Variants in TNRC6A observed in about 807,000 individuals in gnomAD.
TNRC6A encodes trinucleotide repeat containing adaptor 6A.
TNRC6A carries 44 observed loss-of-function variants against 221.2 expected under a neutral mutation model. The observed-to-expected ratio is 0.20, with a 90% CI of 0.16 to 0.26. The LOEUF (loss-of-function observed/expected upper bound fraction) is 0.26. Among genes scored for constraint, TNRC6A ranks in the 10% least tolerant of loss-of-function variants. TNRC6A has a pLI of 1.00. For missense variants in TNRC6A, 2,199 were observed against 2,404.4 expected, an observed-to-expected ratio of 0.91 and a Z score of 1.79; for synonymous variants, 847 against 838.5, an observed-to-expected ratio of 1.01 and a Z score of -0.18.
At chr16:24,612,966 G>A (rs1161314967) in intron 1 of TNRC6A, among the ~76,000 whole-genome samples, 1 of 151,792 alleles carries the variant, frequency 6.6e-6, no homozygotes, top group East Asian at 1.9e-4. Flanking sequence ...ATAACTGAAG[G>A]CCGGGAGTGG....
At chr16:24,696,204 T>C (rs1025643864) in intron 2 of TNRC6A, among the ~76,000 whole-genome samples, 11 of 151,660 alleles carry the variant, frequency 7.3e-5, no homozygotes, top group Non-Finnish European at 1.3e-4. Flanking sequence ...AAAAATTAGC[T>C]GGGCGTGGTG....
At chr16:24,776,299 T>G in intron 4 of TNRC6A, 2 of 985,046 alleles carry the variant, frequency 2.0e-6, no homozygotes, top group Non-Finnish European at 2.4e-6. Flanking sequence ...GCATCCAGAT[T>G]ATTTATCTCA....
At chr16:24,752,369 G>C (rs923515054) in intron 3 of TNRC6A, among the ~76,000 whole-genome samples, 4 of 152,188 alleles carry the variant, frequency 2.6e-5, no homozygotes, top group Non-Finnish European at 4.4e-5. Context: ...CCTGAGCCTA[G>C]GGGTGTCATC....
chr16:24,712,904 C>T (rs925726459), intron 2 of TNRC6A, among the ~76,000 whole-genome samples: 1 of 119,240 alleles, frequency 8.4e-6, no homozygotes, highest in African/African-American at 3.6e-5. Context: ...TAGTTATGTG[C>T]CACTGTGTGT....
chr16:24,649,767 C>T (rs989295666), intron 2 of TNRC6A, among the ~76,000 whole-genome samples: 4 of 151,330 alleles, frequency 2.6e-5, no homozygotes, highest in Non-Finnish European at 5.9e-5. Flanking sequence ...TATCCTTTCA[C>T]CAACATCTCC....
intron 4 of TNRC6A, among the ~76,000 whole-genome samples, chr16:24,766,829 A>C (rs919541425): frequency 5.3e-5 from 8 of 151,922 alleles, no homozygotes; most frequent in African/African-American, 1.9e-4. Context: ...GGCGCCTGCC[A>C]CCACACCCAG....
In TNRC6A at chr16:24,789,398, A is replaced by G. The variant is rs2058046301; in HGVS notation, c.756A>G (p.Glu252=). Residue 252 remains glutamate, a synonymous_variant, in exon 6 of 25, where the codon GAA becomes GAG. Transcript: ENST00000395799. ...APGSDPELAS[E]CMDADSASSS... is the part of the protein sequence containing the mutation. Reference sequence around the variant, plus strand: ...GCAGTGATCCGGAGTTGGCTTCAGAATGTATGGATGCTGATTCTGCCTCCA... The same window carrying G: ...GCAGTGATCCGGAGTTGGCTTCAGAGTGTATGGATGCTGATTCTGCCTCCA... 3 of 1,614,122 alleles carry G rather than the reference A, an allele frequency of 1.9e-6. No homozygotes were observed.
At chr16:24,806,475 G>A (rs2058434378) in intron 16 of TNRC6A, 99 bp from the exon 17 acceptor site, 4 of 1,465,950 alleles carry the variant, frequency 2.7e-6, no homozygotes, top group Non-Finnish European at 3.8e-6. Flanking sequence ...TCACCTTTCT[G>A]CTGAGACGAA....
intron 2 of TNRC6A, among the ~76,000 whole-genome samples, chr16:24,745,085 A>G (rs893505458): frequency 6.6e-6 from 1 of 152,208 alleles, no homozygotes; most frequent in Non-Finnish European, 1.5e-5. Context: ...TGTAAATAGC[A>G]TGTTCCCCAC....
chr16:24,621,071 A>G (rs1323344784), intron 1 of TNRC6A, among the ~76,000 whole-genome samples: 2 of 141,466 alleles, frequency 1.4e-5, no homozygotes, highest in Non-Finnish European at 3.1e-5. Context: ...GTGACAGAGC[A>G]AGACGCCGTC....
chr16:24,769,244 A>G (rs2151623380), intron 4 of TNRC6A, among the ~76,000 whole-genome samples: 1 of 152,290 alleles, frequency 6.6e-6, no homozygotes. Flanking sequence ...TAGAATAGCA[A>G]AGCTTAGCAA....
intron 2 of TNRC6A, among the ~76,000 whole-genome samples, chr16:24,646,173 C>A (rs1468271888): frequency 6.6e-6 from 1 of 152,116 alleles, no homozygotes; most frequent in East Asian, 1.9e-4. Flanking sequence ...GAATTTATCT[C>A]ATTTCATATA....
chr16:24,709,198 G>A (rs545259739), intron 2 of TNRC6A, among the ~76,000 whole-genome samples: 75 of 151,882 alleles, frequency 4.9e-4, no homozygotes, highest in African/African-American at 1.6e-3. Flanking sequence ...TGGAGGTTGC[G>A]GTGAACCGAG....
At chr16:24,726,705 C>T (rs147190727), upstream of TNRC6A, among the ~76,000 whole-genome samples, 39 of 152,166 alleles carry the variant, frequency 2.6e-4, no homozygotes, top group African/African-American at 4.3e-4. Flanking sequence ...AGAGGAATGA[C>T]GCATCAAGGG....
intron 4 of TNRC6A, among the ~76,000 whole-genome samples, chr16:24,776,143 C>T (rs1160710214): frequency 1.3e-5 from 2 of 152,162 alleles, no homozygotes; most frequent in Non-Finnish European, 2.9e-5. Context: ...AGCTCATACA[C>T]CATGCATCTC....
chr16:24,773,012 C>A (rs778071153), intron 4 of TNRC6A, among the ~76,000 whole-genome samples: 31 of 151,846 alleles, frequency 2.0e-4, no homozygotes, highest in Non-Finnish European at 4.0e-4. Context: ...TATTTTTTTC[C>A]ATTTTCATTT....
chr16:24,773,466 T>A (rs2057655076), intron 4 of TNRC6A, among the ~76,000 whole-genome samples: 1 of 152,242 alleles, frequency 6.6e-6, no homozygotes, highest in South Asian at 2.1e-4. Context: ...AAATATCCAC[T>A]GTATTATTTC....
intron 22 of TNRC6A, among the ~76,000 whole-genome samples, chr16:24,820,747 T>A (rs1316965176): frequency 1.3e-5 from 2 of 152,126 alleles, no homozygotes; most frequent in Non-Finnish European, 2.9e-5. Context: ...CATTTGAGAG[T>A]GAAAGAGAGT....
At position 24,631,544 on chromosome 16, in the gene TNRC6A, G is replaced by T. The variant is rs1383028176; in HGVS notation, n.277-9340G>T. ...CCCAGCACTTTGGGAAGCTGAGGTG[G>T]GTGGATCACTTGAGGTTAAGAGTTC... On this transcript the variant is annotated intron_variant and non_coding_transcript_variant, in intron 1 of 2. Transcript: ENST00000566108. Among the ~76,000 whole-genome samples, 3 of 152,042 alleles carry T rather than the reference G, an allele frequency of 2.0e-5. No individual in the cohort carries two copies. The East Asian group carries it at 5.8e-4, about 29-fold the overall frequency.
Sources: gnomAD v4.1 joint callset for allele counts (sites outside exome capture counted in the v4.1 genomes callset) on GRCh38, gnomAD v4.1.1 for gene constraint, MANE v1.5 for transcripts, NCBI Gene and HGNC (gene_info 2026-07-23, HGNC 2026-07-21) for gene names.